VTI1A: variants seen among roughly 807,000 people sequenced by gnomAD.
The protein encoded by VTI1A is vesicle transport through interaction with t-SNAREs homolog 1A.
In VTI1A, 22 loss-of-function variants were observed where a neutral mutation model predicts 34.9. That is an observed-to-expected ratio of 0.63 (90% CI 0.45 to 0.90). The LOEUF is 0.90. Among genes scored for constraint, VTI1A ranks in the 40% least tolerant of loss-of-function variants. The pLI, the probability that VTI1A is intolerant of heterozygous loss-of-function variation, is 0.00. For synonymous variants in VTI1A, 87 were observed against 97.3 expected (o/e 0.89, Z 0.62); for missense variants, 268 against 275.6 (o/e 0.97, Z 0.20).
At chr10:112,592,935 C>T (rs1432653667) in intron 5 of VTI1A, among the ~76,000 whole-genome samples, 2 of 152,158 alleles carry the variant, frequency 1.3e-5, no homozygotes, top group Admixed American at 6.5e-5. Context: ...TAATCAGGAG[C>T]GTTTATTGAA....
chr10:112,465,275 G>A (rs1299957636), intron 3 of VTI1A, among the ~76,000 whole-genome samples: 1 of 152,152 alleles, frequency 6.6e-6, no homozygotes, highest in Admixed American at 6.5e-5. Context: ...GAATATAAAT[G>A]TAAAGACATA....
chr10:112,624,751 A>C (rs1367121686), intron 5 of VTI1A, among the ~76,000 whole-genome samples: 1 of 152,188 alleles, frequency 6.6e-6, no homozygotes, highest in African/African-American at 2.4e-5. Context: ...TTTTCTGCCA[A>C]ATAATCACAA....
At chr10:112,544,859 A>C (rs1164322433) in intron 5 of VTI1A, among the ~76,000 whole-genome samples, 1 of 152,188 alleles carries the variant, frequency 6.6e-6, no homozygotes, top group East Asian at 1.9e-4. Context: ...GAAGTGAGCC[A>C]GGGAGCACGG....
At position 112,513,894 on chromosome 10, in the gene VTI1A, A is replaced by C. The variant is rs558032524; in HGVS notation, c.265-13193A>C. ...TCTCTGGAATAAATCTCACTTGATC[A>C]TGGTGAATGATTCCTTTAATGTATT... On this transcript the variant is annotated intron_variant, in intron 3 of 7. Transcript: ENST00000393077. Among the ~76,000 whole-genome samples, 20 of 152,120 alleles carry C rather than the reference A, an allele frequency of 1.3e-4. No individual in the cohort carries two copies. In the East Asian group the frequency reaches 3.9e-3, roughly 29 times the overall value.
At chr10:112,654,595 C>T (rs764036333) in intron 5 of VTI1A, among the ~76,000 whole-genome samples, 18 of 152,090 alleles carry the variant, frequency 1.2e-4, no homozygotes, top group Non-Finnish European at 2.2e-4. Context: ...TGGGTTCACG[C>T]CATTCTCCTG....
the VTI1A span, among the ~76,000 whole-genome samples, chr10:112,844,792 T>C: frequency 6.6e-6 from 1 of 152,252 alleles, no homozygotes; most frequent in African/African-American, 2.4e-5. Flanking sequence ...TTCCCTCCTC[T>C]TAACTGTGCA....
chr10:112,583,361 C>T (rs773431398), intron 5 of VTI1A, among the ~76,000 whole-genome samples: 1 of 152,182 alleles, frequency 6.6e-6, no homozygotes, highest in Non-Finnish European at 1.5e-5. Context: ...GGCCATTTCT[C>T]TGTTGGATAT....
At chr10:112,732,736 A>C (rs541512593) in intron 7 of VTI1A, among the ~76,000 whole-genome samples, 1 of 152,200 alleles carries the variant, frequency 6.6e-6, no homozygotes, top group African/African-American at 2.4e-5. Flanking sequence ...ACTGAGCATC[A>C]GGAAACCCTT....
chr10:112,743,013 C>CGTGTGTGTGTGTGTGTGT (rs10612255), intron 7 of VTI1A, among the ~76,000 whole-genome samples: 1 of 141,890 alleles, frequency 7.0e-6, no homozygotes, highest in Admixed American at 7.0e-5. Flanking sequence ...GACCTATTCT[C>CGTGTGTGTGTGTGTGTGT]GTGTGTGTGT....
At chr10:112,512,713 G>C (rs938862773) in intron 3 of VTI1A, among the ~76,000 whole-genome samples, 1 of 151,916 alleles carries the variant, frequency 6.6e-6, no homozygotes, top group Admixed American at 6.6e-5. Context: ...CTTTGAATTC[G>C]TTTTGTATAT....
intron 5 of VTI1A, among the ~76,000 whole-genome samples, chr10:112,576,810 T>C (rs1417594066): frequency 1.3e-5 from 2 of 152,194 alleles, no homozygotes; most frequent in African/African-American, 4.8e-5. Context: ...TTTGTTATCA[T>C]GACCTATAGT....
the VTI1A span, among the ~76,000 whole-genome samples, chr10:112,828,365 C>T: frequency 6.6e-6 from 1 of 151,816 alleles, no homozygotes; most frequent in Non-Finnish European, 1.5e-5. Context: ...TTTATTTCTC[C>T]ATTATTTAAA....
At chr10:112,517,994 A>T (rs901445051) in intron 3 of VTI1A, among the ~76,000 whole-genome samples, 1 of 152,080 alleles carries the variant, frequency 6.6e-6, no homozygotes, top group Non-Finnish European at 1.5e-5. Flanking sequence ...GGTGTGGGTT[A>T]TATGGGAACT....
chr10:112,498,193 C>G (rs563322701), intron 3 of VTI1A, among the ~76,000 whole-genome samples: 4 of 152,278 alleles, frequency 2.6e-5, no homozygotes, highest in African/African-American at 9.6e-5. Flanking sequence ...CAGGTTTATA[C>G]TGACTGAAGA....
intron 7 of VTI1A, among the ~76,000 whole-genome samples, chr10:112,795,136 A>G (rs1431722385): frequency 6.6e-6 from 1 of 152,176 alleles, no homozygotes; most frequent in Non-Finnish European, 1.5e-5. Context: ...AAAGCAAGAC[A>G]TTCTGTGACT....
chr10:112,547,732 G>T (rs1851186207), intron 5 of VTI1A, among the ~76,000 whole-genome samples: 1 of 152,114 alleles, frequency 6.6e-6, no homozygotes, highest in African/African-American at 2.4e-5. Flanking sequence ...TGACCTAATA[G>T]AGTTAGCCAG....
chr10:112,688,216 A>G (rs942109398), intron 7 of VTI1A, among the ~76,000 whole-genome samples: 5 of 151,768 alleles, frequency 3.3e-5, no homozygotes, highest in Non-Finnish European at 5.9e-5. Context: ...AGCCTCCCAA[A>G]GTGCTGGGAT....
intron 7 of VTI1A, among the ~76,000 whole-genome samples, chr10:112,801,265 C>T (rs1057255848): frequency 6.6e-5 from 10 of 152,158 alleles, no homozygotes; most frequent in Admixed American, 3.9e-4. Context: ...TGAGACCTTT[C>T]GGCCACCTCT....
At chr10:112,655,223 C>T (rs188868798) in intron 5 of VTI1A, among the ~76,000 whole-genome samples, 145 of 152,246 alleles carry the variant, frequency 9.5e-4, no homozygotes, top group African/African-American at 3.3e-3. Flanking sequence ...TTTCATTTAT[C>T]AATTGATTTA....
Sources: gnomAD v4.1 joint callset for allele counts (sites outside exome capture counted in the v4.1 genomes callset) on GRCh38, gnomAD v4.1.1 for gene constraint, MANE v1.5 for transcripts, NCBI Gene and HGNC (gene_info 2026-07-23, HGNC 2026-07-21) for gene names.